GOLGA1: variants seen among roughly 807,000 people sequenced by gnomAD.
GOLGA1 encodes the protein golgin subfamily A member 1.
GOLGA1 carries 63 observed loss-of-function variants against 119.7 expected under a neutral mutation model. The observed-to-expected ratio is 0.53, with a 90% confidence interval of 0.43 to 0.65. GOLGA1 has a LOEUF of 0.65. Among genes scored for constraint, GOLGA1 ranks in the 30% least tolerant of loss-of-function variants. The pLI is 0.00. For synonymous variants in GOLGA1, 318 were observed against 333.4 expected, an observed-to-expected ratio of 0.95 and a Z score of 0.50; for missense variants, 798 against 912.8, an observed-to-expected ratio of 0.87 and a Z score of 1.62.
Position 124,888,520 on chromosome 9 carries a change from G to A in GOLGA1, c.1762-124C>T, listed in dbSNP as rs113239496. 117 of 783,470 alleles carry A rather than the reference G, an allele frequency of 1.5e-4. 1 individual carries two copies. The African/African-American group carries it at 1.6e-3, about 11-fold the overall frequency. 48.5% of individuals were successfully genotyped at this position (783,470 alleles called of 1,614,324 possible). On this transcript the variant is annotated intron_variant, in intron 18 of 22. Transcript: ENST00000373555. The surrounding 1 kb of genome is among the most constrained non-coding windows in gnomAD (Gnocchi z 4.4). ...GGGCGTTGTGCTCCAACAGGCAACT[G>A]GCCAGGAAGCAATTCCTGGAGAAGA...
At position 124,921,993 on chromosome 9, in the gene GOLGA1, T is replaced by G. The variant is rs570056579; in HGVS notation, c.562-101A>C. On this transcript the variant is annotated intron_variant, in intron 8 of 22. Transcript: ENST00000373555. ...CTGTAATCCCAACACTTTGGGAGGCTGAGGCAGGTGGATCACTTGAGGTCA... is the reference window on the plus strand; with the variant it reads ...CTGTAATCCCAACACTTTGGGAGGCGGAGGCAGGTGGATCACTTGAGGTCA... The G allele has an allele frequency of 1.4e-5, 13 of 947,160 alleles. No individual in the cohort carries two copies. In the Admixed American group the frequency reaches 1.9e-4, roughly 14 times the overall value. 58.7% of individuals were successfully genotyped at this position (947,160 alleles called of 1,614,324 possible).
At position 124,921,665 on chromosome 9, in the gene GOLGA1, C is replaced by T. The variant is rs1438151416; in HGVS notation, c.731+58G>A. 6 of 1,322,666 alleles carry T rather than the reference C, an allele frequency of 4.5e-6. No individual in the cohort carries two copies. In the East Asian group the frequency reaches 1.4e-4, roughly 30 times the overall value. The allele number at this position is 1,322,666 out of a possible 1,614,324, so 81.9% of individuals were successfully genotyped here. On this transcript the variant is annotated intron_variant, in intron 9 of 22. Coordinates refer to ENST00000373555, the MANE Select transcript of GOLGA1 (RefSeq NM_002077.4). ...TGAACAATGGGGAAAGGTGGGCAGG[C>T]TATAGCCAGAACTACACTAACACCT...
At position 124,921,887 on chromosome 9, in the gene GOLGA1, T is replaced by A. The variant is rs931418827; in HGVS notation, c.567A>T (p.Leu189Phe). 13 of 1,611,650 alleles carry A rather than the reference T, an allele frequency of 8.1e-6. No homozygotes were observed. Among genetic ancestry groups the A allele is most frequent in the South Asian group, 4.4e-5 (4 of 90,866 alleles). ...QELSKIKHML[L>F]KKEESLGKME... Reference sequence around the variant, plus strand: ...TTTTCCCTAGACTTTCTTCTTTTTTTAAAAGCTGACACAAAAATACAAAGT... The same window carrying A: ...TTTTCCCTAGACTTTCTTCTTTTTTAAAAAGCTGACACAAAAATACAAAGT... Residue 189 changes from leucine (L) to phenylalanine (F), a missense_variant, in exon 9 of 23, where the codon TTA becomes TTT. By Grantham distance (22) the Leu-to-Phe change is conservative. Transcript: ENST00000373555.
intron 10 of GOLGA1, among the ~76,000 whole-genome samples, chr9:124,916,128 A>AATACATAC (rs1554769751): frequency 1.3e-5 from 2 of 151,144 alleles, no homozygotes; most frequent in Admixed American, 1.3e-4. Context: ...TAAATAAATA[A>AATACATAC]ATACATAAAT....
At chr9:124,915,289 T>C (rs1830417467) in intron 10 of GOLGA1, among the ~76,000 whole-genome samples, 1 of 152,210 alleles carries the variant, frequency 6.6e-6, no homozygotes, top group African/African-American at 2.4e-5. Context: ...AGGAAAACAC[T>C]GTCTAACCAA....
Position 124,946,336 on chromosome 9 carries a change from A to C in GOLGA1, c.-156+1582T>G, listed in dbSNP as rs1017572510. 3.3e-5 allele frequency: 5 copies of C among 152,210 alleles called. No homozygotes were observed. The highest frequency in any genetic ancestry group is 1.2e-4 in the African/African-American group (5 of 41,458). The allele number at this position is 152,210 out of a possible 1,614,324, so 9.4% of individuals were successfully genotyped here. The stretch of plus-strand genomic sequence containing the variant: ...ATACTATAATTGAAAAGTCTTATGA[A>C]TAGTTGGCTGTTTTATTTAAAATAT... On this transcript the variant is annotated intron_variant, in intron 1 of 4. Coordinates refer to the GOLGA1 transcript ENST00000421514. The surrounding 1 kb of genome is among the most constrained non-coding windows in gnomAD (Gnocchi z 4.0).
chr9:124,931,436 T>C (rs776495246), intron 3 of GOLGA1, 30 bp from the exon 4 acceptor site: 4 of 1,066,116 alleles, frequency 3.8e-6, no homozygotes, highest in South Asian at 2.5e-5. Context: ...GAAGGTCGTA[T>C]TCATATATGT....
intron 10 of GOLGA1, among the ~76,000 whole-genome samples, chr9:124,913,931 G>A (rs1830387851): frequency 6.6e-6 from 1 of 152,186 alleles, no homozygotes; most frequent in Non-Finnish European, 1.5e-5. Context: ...AGAGGTAACA[G>A]ACAAGTCCTG....
At position 124,878,349 on chromosome 9, in the gene GOLGA1, T is replaced by C. The variant is rs1203534944; in HGVS notation, c.*2181A>G. On this transcript the variant is annotated 3_prime_UTR_variant, in exon 23 of 23. Coordinates refer to ENST00000373555, the MANE Select transcript of GOLGA1 (RefSeq NM_002077.4). ...TCAAAGAAATACTGACACACCAAAC[T>C]AGTAAAATCCATTGTAGTTGCATCT... The C allele has an allele frequency of 6.6e-6, 1 of 152,334 alleles. No homozygotes were observed. The highest frequency in any genetic ancestry group is 2.4e-5 in the African/African-American group (1 of 41,420). 9.4% of individuals were successfully genotyped at this position (152,334 alleles called of 1,614,324 possible).
chr9:124,934,879 G>A (rs1023945085), intron 3 of GOLGA1, among the ~76,000 whole-genome samples: 8 of 151,932 alleles, frequency 5.3e-5, no homozygotes, highest in Non-Finnish European at 4.4e-5. Flanking sequence ...AAACTCCGTC[G>A]CTACAAAAAA....
chr9:124,906,740 A>C (rs1830241679), intron 12 of GOLGA1, among the ~76,000 whole-genome samples: 1 of 152,276 alleles, frequency 6.6e-6, no homozygotes, highest in South Asian at 2.1e-4. Flanking sequence ...TGACAAGAGC[A>C]AAACTCTGTC....
chr9:124,880,813 T>G (rs1829561317), intron 22 of GOLGA1, among the ~76,000 whole-genome samples: 1 of 152,144 alleles, frequency 6.6e-6, no homozygotes, highest in South Asian at 2.1e-4. Flanking sequence ...AGAAAAACAC[T>G]GAGTTGACAG....
At chr9:124,905,149 A>AAAT (rs139311126) in intron 12 of GOLGA1, among the ~76,000 whole-genome samples, 1 of 148,108 alleles carries the variant, frequency 6.8e-6, no homozygotes, top group Non-Finnish European at 1.5e-5. Flanking sequence ...CCATCTCAAA[A>AAAT]AATAATAATA....
intron 7 of GOLGA1, among the ~76,000 whole-genome samples, chr9:124,926,313 C>T (rs538906316): frequency 1.3e-5 from 2 of 152,314 alleles, no homozygotes; most frequent in African/African-American, 2.4e-5. Flanking sequence ...TGCAACTAAG[C>T]TGAAGAGAGC....
intron 10 of GOLGA1, among the ~76,000 whole-genome samples, chr9:124,915,204 T>C (rs1311476829): frequency 1.3e-5 from 2 of 152,192 alleles, no homozygotes; most frequent in Admixed American, 6.5e-5. Context: ...GGCTCTGTCA[T>C]TGACTCCAGC....
rs766537040 is a variant in GOLGA1, at chr9:124,888,212, C to T, written c.1905+41G>A. 2 of 1,600,074 alleles carry T rather than the reference C, an allele frequency of 1.2e-6. No homozygotes were observed. The highest frequency in any genetic ancestry group is 2.2e-5 in the South Asian group (2 of 90,668). On this transcript the variant is annotated intron_variant, in intron 19 of 22. Transcript: ENST00000373555. This position sits in a 1 kb window ranked among gnomAD's most constrained non-coding sequence, Gnocchi z 4.4. ...GTCATTTTAGGCCTGAGGGTGAGGA[C>T]CTGGTGGAGACAGAAACAGCCATGC...
intron 12 of GOLGA1, among the ~76,000 whole-genome samples, chr9:124,907,307 CCCTA>C (rs1830253868): frequency 1.3e-5 from 2 of 152,138 alleles, no homozygotes; most frequent in Non-Finnish European, 2.9e-5. Flanking sequence ...ATATTTAGAT[CCCTA>C]CCTAAGACCA....
intron 2 of GOLGA1, among the ~76,000 whole-genome samples, chr9:124,939,385 T>C (rs1830949003): frequency 6.6e-6 from 1 of 152,116 alleles, no homozygotes. Flanking sequence ...TGTTTCAGGA[T>C]GGTTTGCAAT....
chr9:124,935,387 T>C (rs1339975969), intron 3 of GOLGA1, among the ~76,000 whole-genome samples: 2 of 152,220 alleles, frequency 1.3e-5, no homozygotes, highest in Non-Finnish European at 2.9e-5. Flanking sequence ...TTTCCACTTG[T>C]GGCCATGTTG....
Sources: allele counts gnomAD v4.1 joint callset (sites outside exome capture counted in the v4.1 genomes callset), GRCh38; gene constraint gnomAD v4.1.1; non-coding constraint Gnocchi (gnomAD v3.1); transcripts MANE v1.5; gene names NCBI Gene and HGNC (gene_info 2026-07-23, HGNC 2026-07-21).